UBIAD1: variants seen among roughly 807,000 people sequenced by gnomAD.
UBIAD1 encodes UbiA prenyltransferase domain containing 1.
A neutral mutation model predicts 20.1 loss-of-function variants in UBIAD1; 12 were observed. The ratio of observed to expected loss-of-function variants is 0.60; its 90% CI spans 0.38 to 0.97. The LOEUF is 0.97. Ranked by LOEUF, UBIAD1 falls within the 50% of genes least tolerant of loss-of-function variation. The pLI is 0.00. For synonymous variants in UBIAD1, 207 were observed against 189.2 expected, an observed-to-expected ratio of 1.09 and a Z score of -0.77; for missense variants, 333 against 419.5, an observed-to-expected ratio of 0.79 and a Z score of 1.80.
chr1:11,296,206 T>TA (rs1231541117), downstream of UBIAD1, among the ~76,000 whole-genome samples: 1 of 152,102 alleles, frequency 6.6e-6, no homozygotes, highest in Non-Finnish European at 1.5e-5. Context: ...TCAGGAAACT[T>TA]ACACTCTCCA....
chr1:11,290,685 T>G (rs11804862), downstream of UBIAD1, among the ~76,000 whole-genome samples: 2 of 152,090 alleles, frequency 1.3e-5, no homozygotes, highest in Non-Finnish European at 2.9e-5. Context: ...TACTCCTGTA[T>G]TAAAACCACC....
chr1:11,282,678 T>A (rs1652280076), intron 1 of UBIAD1, among the ~76,000 whole-genome samples: 1 of 150,294 alleles, frequency 6.7e-6, no homozygotes. Context: ...TTCTCCTGCC[T>A]CAGCCTCCCG....
At chr1:11,293,272 G>C (rs925958263), downstream of UBIAD1, among the ~76,000 whole-genome samples, 1 of 152,094 alleles carries the variant, frequency 6.6e-6, no homozygotes, top group Non-Finnish European at 1.5e-5. Context: ...CACTCCCACG[G>C]TCCTGCCATA....
chr1:11,292,711 A>ACT (rs4045542), downstream of UBIAD1, among the ~76,000 whole-genome samples: 389 of 144,586 alleles, frequency 2.7e-3, 2 homozygotes, highest in African/African-American at 9.3e-3. Context: ...ACACACACAC[A>ACT]CTCACAGAGT....
intron 1 of UBIAD1, among the ~76,000 whole-genome samples, chr1:11,294,166 C>T (rs1488323106): frequency 1.3e-5 from 2 of 152,224 alleles, no homozygotes; most frequent in Non-Finnish European, 2.9e-5. Flanking sequence ...AACAACCCCA[C>T]GAATTGGATA....
intron 1 of UBIAD1, chr1:11,294,788 T>A: frequency 1.4e-6 from 1 of 717,330 alleles, no homozygotes; most frequent in East Asian, 2.7e-5. Context: ...CTACCCACGA[T>A]GATGGAGGCG....
rs1222162150 is a variant in UBIAD1 at position 11,273,781 on chromosome 1, T to G, written c.250T>G (p.Leu84Val). The G allele has an allele frequency of 7.4e-6, 12 of 1,614,010 alleles. No individual in the cohort carries two copies. The highest frequency in any genetic ancestry group is 9.3e-6 in the Non-Finnish European group (11 of 1,180,020). The part of the protein sequence containing the change: ...RSHGVLDPRL[L>V]VGCAVAVLAV... ...CCACGGTGTCCTGGATCCCAGGCTC[T>G]TGGTGGGTTGTGCCGTGGCTGTCCT... Residue 84 changes from leucine to valine, a missense_variant, in exon 1 of 2, where the codon TTG (leucine) becomes GTG (valine). Leu to Val is a conservative substitution (Grantham distance 32, BLOSUM62 1). Transcript: ENST00000376810. This position sits in a 1 kb window ranked among gnomAD's most constrained non-coding sequence, Gnocchi z 4.9.
At chr1:11,281,556 T>A (rs10779753) in intron 1 of UBIAD1, among the ~76,000 whole-genome samples, 23,707 of 152,224 alleles carry the variant, frequency 0.16, 3,909 homozygotes, top group African/African-American at 0.42. Context: ...TTAAACATTG[T>A]CTTTTATTGA....
At chr1:11,278,492 T>G in intron 1 of UBIAD1, 1 of 446,782 alleles carries the variant, frequency 2.2e-6, no homozygotes, top group Non-Finnish European at 3.7e-6. Flanking sequence ...GTCCAGGTCA[T>G]GTTTACCAGC....
downstream of UBIAD1, among the ~76,000 whole-genome samples, chr1:11,292,713 TCA>T (rs1553136711): frequency 8.8e-6 from 1 of 113,358 alleles, no homozygotes; most frequent in Non-Finnish European, 1.9e-5. Context: ...ACACACACAC[TCA>T]CAGAGTTGAT....
intron 1 of UBIAD1, among the ~76,000 whole-genome samples, chr1:11,281,841 T>C (rs893101895): frequency 7.9e-5 from 12 of 152,218 alleles, no homozygotes; most frequent in African/African-American, 2.9e-4. Flanking sequence ...TATGTATGTA[T>C]GTATGTGTAT....
intron 1 of UBIAD1, among the ~76,000 whole-genome samples, chr1:11,281,872 G>A (rs955572002): frequency 1.3e-5 from 2 of 152,182 alleles, no homozygotes; most frequent in Non-Finnish European, 2.9e-5. Context: ...CTGAGCTCTC[G>A]TCTGGCTTCT....
downstream of UBIAD1, among the ~76,000 whole-genome samples, chr1:11,289,205 T>A (rs1381636480): frequency 6.6e-6 from 1 of 152,210 alleles, no homozygotes; most frequent in Non-Finnish European, 1.5e-5. Flanking sequence ...CTGATCAGCA[T>A]GTCAGTGGCA....
At chr1:11,295,227 C>T (rs999800564), downstream of UBIAD1, 2 of 347,520 alleles carry the variant, frequency 5.8e-6, no homozygotes, top group Non-Finnish European at 5.4e-6. Context: ...CAATGAGCGG[C>T]GATCAAGGTT....
rs372275682 is a variant in UBIAD1, at chr1:11,273,590, A to G, written c.59A>G (p.Lys20Arg). The change falls in exon 1 of 2, where the codon AAA becomes AGA. Residue 20 changes from lysine (K) to arginine (R), a missense_variant. Physicochemically the swap from Lys to Arg is conservative, Grantham distance 26. This residue lies in a region of UBIAD1 where 57 missense variants were observed against 54.7 expected (regional missense o/e 1.04). Coordinates refer to ENST00000376810, the MANE Select transcript of UBIAD1 (RefSeq NM_013319.3). The surrounding 1 kb of genome is among the most constrained non-coding windows in gnomAD (Gnocchi z 4.9). Reference protein sequence around the residue: ...KINILSGETVKAGDRDPLGND... With the variant: ...KINILSGETVRAGDRDPLGND... ...AACATCCTGTCGGGAGAGACTGTCA[A>G]AGCTGGGGACAGGGACCCGCTGGGG... 81 of 1,613,698 alleles carry G rather than the reference A, an allele frequency of 5.0e-5. No individual in the cohort carries two copies. The highest frequency in any genetic ancestry group is 6.1e-5 in the Non-Finnish European group (72 of 1,180,046).
intron 1 of UBIAD1, among the ~76,000 whole-genome samples, chr1:11,275,236 C>G (rs926456526): frequency 2.0e-5 from 3 of 152,134 alleles, no homozygotes; most frequent in Non-Finnish European, 2.9e-5. Context: ...TGACCAATAT[C>G]CTGGTTTGCT....
At position 11,285,702 on chromosome 1, in the gene UBIAD1, G is replaced by T. The variant is rs1348305162; in HGVS notation, c.588G>T (p.Pro196=). 5.0e-6 allele frequency: 8 copies of T among 1,614,138 alleles called. No individual in the cohort carries two copies. The highest frequency in any genetic ancestry group is 5.9e-6 in the Non-Finnish European group (7 of 1,180,034). Reference sequence around the variant, plus strand: ...TCATCATCCTCATCACTTTTGGCCCGCTGGCTGTGATGTTCGCCTACGCCA... The same window carrying T: ...TCATCATCCTCATCACTTTTGGCCCTCTGGCTGTGATGTTCGCCTACGCCA... ...GDLIILITFG[P]LAVMFAYAIQ... is the part of the protein sequence containing the mutation. The change falls in exon 2 of 2, where the codon CCG becomes CCT. Residue 196 remains proline, a synonymous_variant. Transcript: ENST00000376810. The surrounding 1 kb of genome is among the most constrained non-coding windows in gnomAD (Gnocchi z 4.4).
intron 1 of UBIAD1, among the ~76,000 whole-genome samples, chr1:11,277,609 C>T (rs971892768): frequency 2.0e-5 from 3 of 152,080 alleles, no homozygotes; most frequent in Non-Finnish European, 4.4e-5. Flanking sequence ...TCAACTGCAG[C>T]TCTCTTTCAC....
chr1:11,280,763 A>G (rs1346934075), intron 1 of UBIAD1, among the ~76,000 whole-genome samples: 1 of 152,088 alleles, frequency 6.6e-6, no homozygotes, highest in East Asian at 1.9e-4. Context: ...CACCACTGTG[A>G]TCATCTGTCC....
Sources: gnomAD v4.1 joint callset for allele counts (sites outside exome capture counted in the v4.1 genomes callset) on GRCh38, gnomAD v4.1.1 for gene constraint, gnomAD v4.1.1 regional missense constraint, Gnocchi (gnomAD v3.1) non-coding constraint, MANE v1.5 for transcripts, NCBI Gene and HGNC (gene_info 2026-07-23, HGNC 2026-07-21) for gene names.